Variants in CELSR1 observed in about 807,000 individuals in gnomAD.
CELSR1 encodes the protein cadherin EGF LAG seven-pass G-type receptor 1.
In CELSR1, 110 loss-of-function variants were observed where a neutral mutation model predicts 249.1. The ratio of observed to expected loss-of-function variants is 0.44; its 90% CI spans 0.38 to 0.52. CELSR1 has a LOEUF of 0.52. Ranked by LOEUF, CELSR1 falls within the 20% of genes least tolerant of loss-of-function variation. CELSR1 has a pLI of 0.00. For missense variants in CELSR1, 4,109 were observed against 4,296.4 expected, an observed-to-expected ratio of 0.96 and a Z score of 1.22; for synonymous variants, 2,113 against 1,900.0, an observed-to-expected ratio of 1.11 and a Z score of -2.92.
rs1555909358 is a variant in CELSR1 at position 46,391,443 on chromosome 22, G to A, written c.6149-156C>T. On this transcript the variant is annotated intron_variant, in intron 15 of 34. Coordinates refer to ENST00000674500, the MANE Select transcript of CELSR1 (RefSeq NM_001378328.1). The surrounding 1 kb of genome is among the most constrained non-coding windows in gnomAD (Gnocchi z 4.3). ...CCCTGCCCCCATCCATGTCAGAGCTGGAGAGGGGTGACCAGGCTCTGACCC... is the reference window on the plus strand; with the variant it reads ...CCCTGCCCCCATCCATGTCAGAGCTAGAGAGGGGTGACCAGGCTCTGACCC... Among the ~76,000 whole-genome samples, 1 of 151,592 alleles carries A rather than the reference G, an allele frequency of 6.6e-6. No homozygotes were observed. The highest frequency in any genetic ancestry group is 1.5e-5 in the Non-Finnish European group (1 of 67,932).
chr22:46,509,011 G>C (rs550481621), intron 1 of CELSR1, among the ~76,000 whole-genome samples: 1 of 152,294 alleles, frequency 6.6e-6, no homozygotes, highest in South Asian at 2.1e-4. Flanking sequence ...GGCAGGACAG[G>C]CCAGCGCTCA....
chr22:46,396,714 G>A lies in CELSR1; in HGVS notation c.5734C>T (p.His1912Tyr). The A allele has an allele frequency of 1.2e-6, 2 of 1,612,994 alleles. No individual in the cohort carries two copies. Among genetic ancestry groups the A allele is most frequent in the South Asian group, 2.2e-5 (2 of 90,844 alleles). Residue 1912 changes from histidine (H) to tyrosine (Y), a missense_variant, in exon 13 of 35, where the codon CAC (histidine) becomes TAC (tyrosine). This residue lies in a region of CELSR1 where 1,805 missense variants were observed against 1,831.6 expected (regional missense o/e 0.99). Coordinates refer to ENST00000674500, the MANE Select transcript of CELSR1 (RefSeq NM_001378328.1). The surrounding 1 kb of genome is among the most constrained non-coding windows in gnomAD (Gnocchi z 6.4). ...YLGINCVDAC[H>Y]LNPCENMGAC... is the part of the protein sequence containing the mutation. ...CCCATGTTCTCGCAGGGGTTCAGGT[G>A]ACAGGCATCCACACAGTTTATTCCA...
chr22:46,516,545 G>T (rs1904801019), intron 1 of CELSR1, among the ~76,000 whole-genome samples: 1 of 151,924 alleles, frequency 6.6e-6, no homozygotes, highest in Non-Finnish European at 1.5e-5. Context: ...TCGCCATGTT[G>T]CCCAGGCCGG....
intron 1 of CELSR1, among the ~76,000 whole-genome samples, chr22:46,504,261 C>G (rs2080492546): frequency 6.6e-6 from 1 of 152,076 alleles, no homozygotes; most frequent in Admixed American, 6.6e-5. Context: ...CACCTATAAT[C>G]CCAGCACTTT....
intron 5 of CELSR1, among the ~76,000 whole-genome samples, chr22:46,419,565 TC>T (rs1267812907): frequency 6.6e-6 from 1 of 152,012 alleles, no homozygotes; most frequent in Non-Finnish European, 1.5e-5. Flanking sequence ...GCCTCTGAGC[TC>T]AGCCCCCACA....
intron 1 of CELSR1, among the ~76,000 whole-genome samples, chr22:46,466,928 G>C (rs550094391): frequency 6.6e-6 from 1 of 152,126 alleles, no homozygotes; most frequent in Non-Finnish European, 1.5e-5. Context: ...CCTCTCCTCC[G>C]CATCAGGACG....
Position 46,488,390 on chromosome 22 carries a change from C to T in CELSR1, c.3545-24045G>A, listed in dbSNP as rs1433017165. Among the ~76,000 whole-genome samples, 3 of 152,138 alleles carry T rather than the reference C, an allele frequency of 2.0e-5. No individual in the cohort carries two copies. Among genetic ancestry groups the T allele is most frequent in the Non-Finnish European group, 4.4e-5 (3 of 68,000 alleles). On this transcript the variant is annotated intron_variant, in intron 1 of 34. Coordinates refer to ENST00000674500, the MANE Select transcript of CELSR1 (RefSeq NM_001378328.1). The surrounding 1 kb of genome is among the most constrained non-coding windows in gnomAD (Gnocchi z 4.7). ...CTCCTAAGCCCGCAGCTTCCCTGCT[C>T]GCCTACAGCCGGCGAGTGCAGCACA...
At position 46,534,815 on chromosome 22, in the gene CELSR1, T is replaced by C; in HGVS notation, c.2356A>G (p.Arg786Gly). The change falls in exon 1 of 35, where the codon AGG (arginine) becomes GGG (glycine). Residue 786 changes from arginine to glycine, a missense_variant. By Grantham distance (125) the Arg-to-Gly change is moderately radical. This residue lies in a region of CELSR1 where 886 missense variants were observed against 896.5 expected (regional missense o/e 0.99). Transcript: ENST00000674500. This position sits in a 1 kb window ranked among gnomAD's most constrained non-coding sequence, Gnocchi z 9.7. ...TAATGGGAGCTCTGAAAGACAGGCC[T>C]GTGGGTGTTGGCATCAGTGACGTTG... is the stretch of plus-strand genomic sequence containing the variant. ...LINVTDANTH[R>G]PVFQSSHYTV... 6.2e-7 allele frequency: 1 copy of C among 1,613,050 alleles called. No individual in the cohort carries two copies. The highest frequency in any genetic ancestry group is 8.5e-7 in the Non-Finnish European group (1 of 1,179,950).
intron 20 of CELSR1, among the ~76,000 whole-genome samples, chr22:46,382,726 G>C (rs967178431): frequency 6.6e-6 from 1 of 152,218 alleles, no homozygotes; most frequent in African/African-American, 2.4e-5. Flanking sequence ...TTCAAAAGGA[G>C]GGGAAGTCTG....
chr22:46,463,968 G>A lies in CELSR1; in HGVS notation c.3922C>T (p.Leu1308=). Residue 1308 remains leucine, a synonymous_variant, in exon 2 of 35, where the codon CTG becomes TTG. Transcript: ENST00000674500. ...ATGTAGTTCTCGCAGGGCTCGCGCA[G>A]GCAGATGTTGTCGTCGAAGGGCAGC... ...RVLPFDDNIC[L]REPCENYMKC... is the part of the protein sequence containing the mutation. 2.5e-6 allele frequency: 4 copies of A among 1,614,018 alleles called. No homozygotes were observed. The highest frequency in any genetic ancestry group is 3.4e-6 in the Non-Finnish European group (4 of 1,180,038).
chr22:46,426,118 A>T (rs1235635028), intron 5 of CELSR1, among the ~76,000 whole-genome samples: 1 of 90,958 alleles, frequency 1.1e-5, no homozygotes, highest in Non-Finnish European at 2.1e-5. Flanking sequence ...AGTGAGGCAG[A>T]GCAGCAAGGC....
intron 2 of CELSR1, 22 bp from the exon 3 acceptor site, chr22:46,439,433 C>G: frequency 3.8e-6 from 6 of 1,592,116 alleles, no homozygotes; most frequent in Non-Finnish European, 4.3e-6. Flanking sequence ...GAGGAAGATG[C>G]CAGAGAGGAG....
intron 2 of CELSR1, among the ~76,000 whole-genome samples, chr22:46,449,698 A>G (rs964408507): frequency 6.6e-6 from 1 of 152,110 alleles, no homozygotes. Context: ...ATACATGAAG[A>G]GTTATAGCAG....
In CELSR1 at chr22:46,380,043, A is replaced by T. The variant is rs1302259172; in HGVS notation, c.7256+745T>A. ...ACTCAAATGTCCACACCTCACGTGA[A>T]CTCTGCAGCTAAAAAGCAAAACCAA... On this transcript the variant is annotated intron_variant, in intron 22 of 34. Coordinates refer to ENST00000674500, the MANE Select transcript of CELSR1 (RefSeq NM_001378328.1). This position sits in a 1 kb window ranked among gnomAD's most constrained non-coding sequence, Gnocchi z 5.1. 6.6e-6 allele frequency among the ~76,000 whole-genome samples: 1 copy of T among 152,196 alleles called. No individual in the cohort carries two copies. The highest frequency in any genetic ancestry group is 1.5e-5 in the Non-Finnish European group (1 of 68,026).
At position 46,398,778 on chromosome 22, in the gene CELSR1, G is replaced by T; in HGVS notation, c.5413-141C>A. 2 of 630,154 alleles carry T rather than the reference G, an allele frequency of 3.2e-6. No homozygotes were observed. Among genetic ancestry groups the T allele is most frequent in the Non-Finnish European group, 5.3e-6 (2 of 378,278 alleles). 39.0% of individuals were successfully genotyped at this position (630,154 alleles called of 1,614,324 possible). A position where few individuals can be genotyped will look rare whatever the true frequency, so the allele number is the denominator to read the frequency against. On this transcript the variant is annotated intron_variant, in intron 10 of 34. Coordinates refer to ENST00000674500, the MANE Select transcript of CELSR1 (RefSeq NM_001378328.1). This position sits in a 1 kb window ranked among gnomAD's most constrained non-coding sequence, Gnocchi z 7.2. ...GCCTGAGGACATCTGGGCCTCCAAA[G>T]AGAGAGCTGGGCCCAGCTGGACAGC...
At chr22:46,438,305 A>G (rs2079690609) in intron 3 of CELSR1, among the ~76,000 whole-genome samples, 1 of 152,074 alleles carries the variant, frequency 6.6e-6, no homozygotes, top group African/African-American at 2.4e-5. Flanking sequence ...GAGAAACTAG[A>G]AAGAGGAGAA....
intron 2 of CELSR1, among the ~76,000 whole-genome samples, chr22:46,455,387 G>A (rs557625745): frequency 3.3e-5 from 5 of 152,234 alleles, no homozygotes; most frequent in East Asian, 1.9e-4. Flanking sequence ...CTGCCACCGC[G>A]CCTGGCTAAT....
chr22:46,457,119 G>C (rs915081164), intron 2 of CELSR1, among the ~76,000 whole-genome samples: 2 of 152,186 alleles, frequency 1.3e-5, no homozygotes, highest in African/African-American at 2.4e-5. Flanking sequence ...GGCCGAGGCG[G>C]GAGGATCAGA....
chr22:46,406,883 A>G lies in CELSR1; in HGVS notation c.5226+2113T>C, dbSNP rs2093317519. Reference sequence around the variant, plus strand: ...TGTCCAGGACACACTCGGCAGCAAAAGAAGCCCAGAGCCCAACGGAGCAAA... The same window carrying G: ...TGTCCAGGACACACTCGGCAGCAAAGGAAGCCCAGAGCCCAACGGAGCAAA... On this transcript the variant is annotated intron_variant, in intron 9 of 34. Transcript: ENST00000674500. The surrounding 1 kb of genome is among the most constrained non-coding windows in gnomAD (Gnocchi z 5.4). Among the ~76,000 whole-genome samples, 1 of 226 alleles carries G rather than the reference A, an allele frequency of 4.4e-3. No individual in the cohort carries two copies. The highest frequency in any genetic ancestry group is 0.038 in the Admixed American group (1 of 26). 0.1% of individuals were successfully genotyped at this position (226 alleles called of 152,430 possible).
Sources: allele counts gnomAD v4.1 joint callset (sites outside exome capture counted in the v4.1 genomes callset), GRCh38; gene constraint gnomAD v4.1.1; regional missense constraint gnomAD v4.1.1; non-coding constraint Gnocchi (gnomAD v3.1); transcripts MANE v1.5; gene names NCBI Gene and HGNC (gene_info 2026-07-23, HGNC 2026-07-21).